Variants in PDE1A observed in about 807,000 individuals in gnomAD.
PDE1A encodes the protein dual specificity calcium/calmodulin-dependent 3',5'-cyclic nucleotide phosphodiesterase 1A.
In PDE1A, 35 loss-of-function variants were observed where a neutral mutation model predicts 61.7. That is an observed-to-expected ratio of 0.57 (90% CI 0.43 to 0.75). The LOEUF (loss-of-function observed/expected upper bound fraction) is 0.75, where lower values mean the gene tolerates loss of function less well. Ranked by LOEUF, PDE1A falls within the 30% of genes least tolerant of loss-of-function variation. PDE1A has a pLI of 0.00. For synonymous variants in PDE1A, 232 were observed against 213.2 expected (o/e 1.09, Z -0.77); for missense variants, 597 against 630.6 (o/e 0.95, Z 0.57).
Position 182,464,624 on chromosome 2 carries a change from T to C in PDE1A, c.101+57652A>G, listed in dbSNP as rs563955772. Among the ~76,000 whole-genome samples, 4 of 152,228 alleles carry C rather than the reference T, an allele frequency of 2.6e-5. No individual in the cohort carries two copies. In the South Asian group the frequency reaches 8.3e-4, roughly 32 times the overall value. On this transcript the variant is annotated intron_variant, in intron 2 of 14. Coordinates refer to the PDE1A transcript ENST00000410103. ...AATAATAATAATAACAGATTTAATTTATGACAATTGCAGTAGAGAGAAAAG... is the reference window on the plus strand; with the variant it reads ...AATAATAATAATAACAGATTTAATTCATGACAATTGCAGTAGAGAGAAAAG...
At chr2:182,327,638 A>C (rs1398534385) in intron 1 of PDE1A, among the ~76,000 whole-genome samples, 1 of 152,190 alleles carries the variant, frequency 6.6e-6, no homozygotes, top group Non-Finnish European at 1.5e-5. Context: ...TTATAAACAG[A>C]CTGAGCTATG....
At chr2:182,233,998 T>C (rs912511364) in intron 4 of PDE1A, among the ~76,000 whole-genome samples, 5 of 152,196 alleles carry the variant, frequency 3.3e-5, no homozygotes, top group African/African-American at 1.2e-4. Context: ...TTTTCAGACC[T>C]ACAATCCTAA....
intron 3 of PDE1A, 36 bp downstream of exon 3, chr2:182,240,074 A>T: frequency 6.3e-7 from 1 of 1,582,194 alleles, no homozygotes; most frequent in East Asian, 2.2e-5. Flanking sequence ...TGCCTTTCAA[A>T]TGTTACTGTC....
chr2:182,564,795 C>T, the PDE1A span, among the ~76,000 whole-genome samples: 1 of 152,192 alleles, frequency 6.6e-6, no homozygotes, highest in Non-Finnish European at 1.5e-5. Context: ...CGCTTCATTT[C>T]ACTCATTTCA....
intron 2 of PDE1A, among the ~76,000 whole-genome samples, chr2:182,251,147 T>A (rs1026248720): frequency 6.6e-6 from 1 of 152,308 alleles, no homozygotes; most frequent in African/African-American, 2.4e-5. Context: ...AAATTTTGAT[T>A]AATAAGCATC....
At chr2:182,593,226 T>A in the PDE1A span, among the ~76,000 whole-genome samples, 1 of 152,148 alleles carries the variant, frequency 6.6e-6, no homozygotes, top group Admixed American at 6.5e-5. Flanking sequence ...CCCCAAACAA[T>A]CACAAATAGG....
intron 2 of PDE1A, among the ~76,000 whole-genome samples, chr2:182,479,528 GAGGAAGGAAGACAGGC>G (rs547483793): frequency 0.012 from 1,872 of 151,758 alleles, 25 homozygotes; most frequent in South Asian, 0.042. Context: ...AGAAGGAAGG[GAGGAAGGAAGACAGGC>G]AGGAAGGAAG....
At chr2:182,576,586 G>C in the PDE1A span, among the ~76,000 whole-genome samples, 1 of 152,134 alleles carries the variant, frequency 6.6e-6, no homozygotes, top group African/African-American at 2.4e-5. Flanking sequence ...ATAAACAGAA[G>C]TGAAATTGCT....
chr2:182,304,535 GTTAAAC>G (rs1256558618), intron 1 of PDE1A, among the ~76,000 whole-genome samples: 3 of 152,096 alleles, frequency 2.0e-5, no homozygotes, highest in Admixed American at 2.0e-4. Flanking sequence ...TGCCTTCCTC[GTTAAAC>G]TTAATCATTT....
At chr2:182,273,972 G>A (rs926510381) in intron 1 of PDE1A, among the ~76,000 whole-genome samples, 10 of 152,096 alleles carry the variant, frequency 6.6e-5, no homozygotes, top group Admixed American at 2.6e-4. Context: ...CCTGGAGGCT[G>A]GGAAATCCCT....
chr2:182,422,676 T>A (rs916879245), intron 1 of PDE1A, among the ~76,000 whole-genome samples: 2 of 152,154 alleles, frequency 1.3e-5, no homozygotes, highest in African/African-American at 4.8e-5. Flanking sequence ...GTTACATCAT[T>A]TAATATTAAA....
intron 1 of PDE1A, among the ~76,000 whole-genome samples, chr2:182,304,060 C>T (rs1695421467): frequency 6.6e-6 from 1 of 152,046 alleles, no homozygotes; most frequent in Non-Finnish European, 1.5e-5. Flanking sequence ...GCCACCATGA[C>T]CAGCTAATTT....
the PDE1A span, among the ~76,000 whole-genome samples, chr2:182,650,402 A>C: frequency 5.3e-5 from 8 of 152,216 alleles, no homozygotes; most frequent in Non-Finnish European, 1.2e-4. Context: ...TGATGTATTC[A>C]ATAACATTAA....
intron 2 of PDE1A, among the ~76,000 whole-genome samples, chr2:182,492,581 A>G (rs1005031618): frequency 2.2e-5 from 1 of 45,458 alleles, no homozygotes; most frequent in Non-Finnish European, 5.3e-5. Flanking sequence ...TTACGGTTAT[A>G]GATCATATTA....
the PDE1A span, among the ~76,000 whole-genome samples, chr2:182,664,889 C>T: frequency 5.9e-5 from 9 of 152,138 alleles, no homozygotes; most frequent in South Asian, 8.3e-4. Context: ...TTTTCATTCT[C>T]GGGCTTAAAA....
the PDE1A span, among the ~76,000 whole-genome samples, chr2:182,544,666 G>A: frequency 8.1e-4 from 124 of 152,228 alleles, 1 homozygote; most frequent in African/African-American, 2.5e-3. Flanking sequence ...GAATGAGGAA[G>A]CTGCCCATTA....
chr2:182,591,862 A>G, the PDE1A span, among the ~76,000 whole-genome samples: 1 of 152,200 alleles, frequency 6.6e-6, no homozygotes, highest in Admixed American at 6.5e-5. Context: ...CATCTTGAGC[A>G]TTCTCATTCC....
intron 1 of PDE1A, among the ~76,000 whole-genome samples, chr2:182,357,853 T>C (rs1302188642): frequency 6.6e-6 from 1 of 152,236 alleles, no homozygotes; most frequent in African/African-American, 2.4e-5. Flanking sequence ...TTAAGGCACA[T>C]GCCTCAAAGA....
chr2:182,633,854 C>G, the PDE1A span, among the ~76,000 whole-genome samples: 1 of 152,104 alleles, frequency 6.6e-6, no homozygotes, highest in African/African-American at 2.4e-5. Context: ...GAGGCCAAGG[C>G]AGGCAGATCC....
Sources: gnomAD v4.1 joint callset for allele counts (sites outside exome capture counted in the v4.1 genomes callset) on GRCh38, gnomAD v4.1.1 for gene constraint, MANE v1.5 for transcripts, NCBI Gene and HGNC (gene_info 2026-07-23, HGNC 2026-07-21) for gene names.